The following PHLDB3 variants were observed in gnomAD, a reference collection of about 807,000 sequenced individuals.
PHLDB3 encodes the protein pleckstrin homology-like domain family B member 3.
PHLDB3 carries 86 observed loss-of-function variants against 85.7 expected under a neutral mutation model. The observed-to-expected ratio is 1.00, with a 90% CI of 0.84 to 1.20. The LOEUF (loss-of-function observed/expected upper bound fraction) is 1.20, where lower values mean the gene tolerates loss of function less well. Ranked by LOEUF, PHLDB3 falls within the 50% of genes most tolerant of loss-of-function variation. The pLI is 0.00. For missense variants in PHLDB3, 995 were observed against 873.0 expected, an observed-to-expected ratio of 1.14 and a Z score of -1.76; for synonymous variants, 376 against 349.8, an observed-to-expected ratio of 1.07 and a Z score of -0.83.
At chr19:43,503,494 A>T (rs564265984) in intron 2 of PHLDB3, among the ~76,000 whole-genome samples, 4 of 151,472 alleles carry the variant, frequency 2.6e-5, no homozygotes, top group African/African-American at 9.7e-5. Context: ...TTTTCTCTAG[A>T]GACAGGGATT....
In PHLDB3 at chr19:43,501,832, C is replaced by A; in HGVS notation, c.436G>T (p.Gly146Trp). ...TCCCGGCGAGCGGCCACTCGCTCCC[C>A]AGCCAGCTCACCCCGCAGCAAGGCC... is the stretch of plus-strand genomic sequence containing the variant. ...EVALLRGELA[G>W]ERVAARREEE... The change falls in exon 4 of 16, where the codon GGG (glycine) becomes TGG (tryptophan). Residue 146 changes from glycine to tryptophan, a missense_variant. Physicochemically the swap from Gly to Trp is radical, Grantham distance 184. Coordinates refer to ENST00000292140, the MANE Select transcript of PHLDB3 (RefSeq NM_198850.4). 1 of 1,591,514 alleles carries A rather than the reference C, an allele frequency of 6.3e-7. No individual in the cohort carries two copies. Among genetic ancestry groups the A allele is most frequent in the East Asian group, 2.3e-5 (1 of 43,500 alleles).
At chr19:43,498,286 CTG>C (rs199789975) in intron 4 of PHLDB3, among the ~76,000 whole-genome samples, 5 of 151,984 alleles carry the variant, frequency 3.3e-5, no homozygotes, top group Non-Finnish European at 7.4e-5. Context: ...CTGCACTGAG[CTG>C]TGTTTGCATC....
In PHLDB3 at chr19:43,497,220, C is replaced by A; in HGVS notation, c.723G>T (p.Leu241=). ...CCTCCTCCTGCCGGCTCTCCCGCTC[C>A]AGTTGCTGGAACTCCAGGTCCTCAT... is the stretch of plus-strand genomic sequence containing the variant. ...RAYEDLEFQQ[L]ERESRQEEED... Residue 241 remains leucine (L), a synonymous_variant, in exon 6 of 16, where the codon CTG becomes CTT. Coordinates refer to ENST00000292140, the MANE Select transcript of PHLDB3 (RefSeq NM_198850.4). 6.5e-7 allele frequency: 1 copy of A among 1,543,262 alleles called. No individual in the cohort carries two copies. Among genetic ancestry groups the A allele is most frequent in the South Asian group, 1.2e-5 (1 of 81,240 alleles).
At position 43,486,775 on chromosome 19, in the gene PHLDB3, C is replaced by A; in HGVS notation, c.1340+5G>T. On this transcript the variant is annotated splice_donor_5th_base_variant and intron_variant, in intron 11 of 15. Coordinates refer to ENST00000292140, the MANE Select transcript of PHLDB3 (RefSeq NM_198850.4). The stretch of plus-strand genomic sequence containing the variant: ...CATCTCCCCACCTTCTCTCTGATGT[C>A]TCACCTATTCCCACGGCCACAGTTC... The A allele has an allele frequency of 6.2e-7, 1 of 1,604,942 alleles. No individual in the cohort carries two copies. The highest frequency in any genetic ancestry group is 8.5e-7 in the Non-Finnish European group (1 of 1,174,356).
At chr19:43,483,531 G>A (rs574998360) in intron 13 of PHLDB3, among the ~76,000 whole-genome samples, 6 of 152,100 alleles carry the variant, frequency 3.9e-5, no homozygotes, top group Admixed American at 2.0e-4. Context: ...CTCCCACCTC[G>A]GCCTCTCAAA....
At position 43,475,207 on chromosome 19, in the gene PHLDB3, C is replaced by G; in HGVS notation, c.*203G>C. 1 of 639,840 alleles carries G rather than the reference C, an allele frequency of 1.6e-6. No homozygotes were observed. The allele number at this position is 639,840 out of a possible 1,614,324, so 39.6% of individuals were successfully genotyped here. A position where few individuals can be genotyped will look rare whatever the true frequency, so the allele number is the denominator to read the frequency against. On this transcript the variant is annotated 3_prime_UTR_variant, in exon 16 of 16. Transcript: ENST00000292140. ...CCTGCCCCGGGCAGGGCCTTAGGGG[C>G]CGGCGATCCCGTCGGGGGCAAGGCA...
chr19:43,475,334 G>A lies in PHLDB3; in HGVS notation c.*76C>T. On this transcript the variant is annotated 3_prime_UTR_variant, in exon 16 of 16. Coordinates refer to ENST00000292140, the MANE Select transcript of PHLDB3 (RefSeq NM_198850.4). ...GTGCGTCCAAGTTTTCCGGCAGTGG[G>A]CGGGGCCTAGGAACGCCCCCGCGCC... The A allele has an allele frequency of 1.3e-6, 2 of 1,552,902 alleles. No homozygotes were observed. Among genetic ancestry groups the A allele is most frequent in the South Asian group, 2.3e-5 (2 of 85,414 alleles).
At chr19:43,484,574 T>C (rs897067095) in intron 13 of PHLDB3, among the ~76,000 whole-genome samples, 1 of 151,926 alleles carries the variant, frequency 6.6e-6, no homozygotes, top group Admixed American at 6.6e-5. Context: ...TAAATGGGTG[T>C]GGTGGTGGGC....
chr19:43,479,573 GTGGGGTGGGGTGGGTGGGGCC>G lies in PHLDB3; in HGVS notation c.1486-1_1505del. 1 of 1,515,244 alleles carries G rather than the reference GTGGGGTGGGGTGGGTGGGGCC, an allele frequency of 6.6e-7. No individual in the cohort carries two copies. Among genetic ancestry groups the G allele is most frequent in the Non-Finnish European group, 8.9e-7 (1 of 1,117,628 alleles). The allele number at this position is 1,515,244 out of a possible 1,614,324, so 93.9% of individuals were successfully genotyped here. A position where few individuals can be genotyped will look rare whatever the true frequency, so the allele number is the denominator to read the frequency against. On this transcript the variant is annotated splice_acceptor_variant and coding_sequence_variant, in exon 14 of 16. Coordinates refer to ENST00000292140, the MANE Select transcript of PHLDB3 (RefSeq NM_198850.4). LOFTEE classifies it high-confidence loss of function. The stretch of plus-strand genomic sequence containing the variant: ...GATCCAAGATTCGCGGGCCTGGAGG[GTGGGGTGGGGTGGGTGGGGCC>G]TGGGGAGCAAAGAGACGGGGCAGCT...
intron 7 of PHLDB3, 66 bp downstream of exon 7, chr19:43,495,429 G>T (rs1050072590): frequency 1.0e-4 from 166 of 1,599,754 alleles, no homozygotes; most frequent in Non-Finnish European, 1.4e-4. Flanking sequence ...TGGGGTGCAG[G>T]GAGGTGGTGG....
chr19:43,493,987 A>G (rs1971380774), intron 9 of PHLDB3, among the ~76,000 whole-genome samples: 1 of 152,146 alleles, frequency 6.6e-6, no homozygotes, highest in Non-Finnish European at 1.5e-5. Flanking sequence ...AGTATCATGT[A>G]GGCACTCAAA....
Position 43,486,662 on chromosome 19 carries a change from C to T in PHLDB3, c.1375G>A (p.Glu459Lys). The change falls in exon 12 of 16, where the codon GAG becomes AAG. Residue 459 changes from glutamate to lysine, a missense_variant. Transcript: ENST00000292140. ...GAIHPDIAHM[E>K]RLLQQAMAER... ...GCCATGGCCTGCTGCAGGAGCCGCT[C>T]CATGTGGGCAATGTCTGGATGGATG... 5 of 1,613,996 alleles carry T rather than the reference C, an allele frequency of 3.1e-6. No homozygotes were observed. The highest frequency in any genetic ancestry group is 4.2e-6 in the Non-Finnish European group (5 of 1,179,868).
chr19:43,476,984 A>C (rs1010474392), intron 15 of PHLDB3, among the ~76,000 whole-genome samples: 1 of 152,108 alleles, frequency 6.6e-6, no homozygotes, highest in African/African-American at 2.4e-5. Context: ...AAAAAAAAAA[A>C]AACAGAGATG....
In PHLDB3 at chr19:43,486,846, G is replaced by A. The variant is rs528662052; in HGVS notation, c.1274C>T (p.Pro425Leu). 30 of 1,572,838 alleles carry A rather than the reference G, an allele frequency of 1.9e-5. 1 individual carries two copies. In the South Asian group the frequency reaches 2.4e-4, roughly 13 times the overall value. ...CTESLEASAL[P>L]PAVGDSGRYP... ...TCTGCCGGAGTCCCCCACTGCTGGC[G>A]GGAGAGCTGAGGCCTCCAGGGATTC... Residue 425 changes from proline (P) to leucine (L), a missense_variant, in exon 11 of 16, where the codon CCG becomes CTG. Coordinates refer to ENST00000292140, the MANE Select transcript of PHLDB3 (RefSeq NM_198850.4).
At chr19:43,484,434 A>C (rs1971111100) in intron 13 of PHLDB3, among the ~76,000 whole-genome samples, 1 of 151,516 alleles carries the variant, frequency 6.6e-6, no homozygotes, top group Admixed American at 6.6e-5. Context: ...TTGGCCAGGC[A>C]CAGTGGCTTA....
chr19:43,490,327 G>A (rs1971284681), intron 9 of PHLDB3, among the ~76,000 whole-genome samples: 1 of 152,034 alleles, frequency 6.6e-6, no homozygotes, highest in South Asian at 2.1e-4. Context: ...GGGAGGTCCA[G>A]GGAAGGCAGA....
At chr19:43,502,755 C>G (rs754784448) in intron 2 of PHLDB3, among the ~76,000 whole-genome samples, 2 of 151,976 alleles carry the variant, frequency 1.3e-5, no homozygotes, top group Admixed American at 6.6e-5. Flanking sequence ...CGCGCCCGGC[C>G]TCAGACCCCT....
chr19:43,497,147 C>T lies in PHLDB3; in HGVS notation c.796G>A (p.Glu266Lys). 6.4e-7 allele frequency: 1 copy of T among 1,551,560 alleles called. No homozygotes were observed. Among genetic ancestry groups the T allele is most frequent in the Non-Finnish European group, 8.7e-7 (1 of 1,152,770 alleles). The change falls in exon 6 of 16, where the codon GAA becomes AAA. Residue 266 changes from glutamate to lysine, a missense_variant. Transcript: ENST00000292140. ...GPQVPDPKVQELQASMAQHRR... is the reference protein window; with the variant it reads ...GPQVPDPKVQKLQASMAQHRR... Reference sequence around the variant, plus strand: ...TGCTGCGCCATGCTGGCCTGGAGTTCCTGGACCTTGGGGTCTGGCACCTGG... The same window carrying T: ...TGCTGCGCCATGCTGGCCTGGAGTTTCTGGACCTTGGGGTCTGGCACCTGG...
In PHLDB3 at chr19:43,501,793, G is replaced by T; in HGVS notation, c.475C>A (p.Arg159=). Residue 159 remains arginine (R), a synonymous_variant, in exon 4 of 16, where the codon CGG becomes AGG. Transcript: ENST00000292140. ...GCCGCCTGCTGCTCCAGCAGCTCCC[G>T]CAGCTGCTCCTCCTCCCGGCGAGCG... ...VAARREEEQL[R]ELLEQQAASE... 6.3e-7 allele frequency: 1 copy of T among 1,586,978 alleles called. No homozygotes were observed.
Sources: gnomAD v4.1 joint callset for allele counts (sites outside exome capture counted in the v4.1 genomes callset) on GRCh38, gnomAD v4.1.1 for gene constraint, MANE v1.5 for transcripts, NCBI Gene and HGNC (gene_info 2026-07-23, HGNC 2026-07-21) for gene names.